KIF21A: variants seen among roughly 807,000 people sequenced by gnomAD.
The protein encoded by KIF21A is kinesin-like protein KIF21A.
A neutral mutation model predicts 202.9 loss-of-function variants in KIF21A; 114 were observed. The ratio of observed to expected loss-of-function variants is 0.56; its 90% confidence interval spans 0.48 to 0.66. KIF21A has a LOEUF of 0.66. KIF21A is among the 30% of genes least tolerant of loss of function. The pLI is 0.00. For synonymous variants in KIF21A, 667 were observed against 670.8 expected (o/e 0.99, Z 0.09); for missense variants, 1,677 against 1,994.9 (o/e 0.84, Z 3.04).
At chr12:39,355,339 A>T (rs1948684908) in intron 10 of KIF21A, among the ~76,000 whole-genome samples, 1 of 152,194 alleles carries the variant, frequency 6.6e-6, no homozygotes, top group African/African-American at 2.4e-5. Context: ...CCTAATAGTG[A>T]CATAAAGCTG....
intron 31 of KIF21A, among the ~76,000 whole-genome samples, chr12:39,313,662 T>C (rs1049687784): frequency 6.6e-6 from 1 of 151,808 alleles, no homozygotes; most frequent in African/African-American, 2.4e-5. Flanking sequence ...TAAATGGATA[T>C]ATTAAAGAAC....
At chr12:39,428,410 AC>A (rs1421838407) in intron 1 of KIF21A, among the ~76,000 whole-genome samples, 1 of 152,220 alleles carries the variant, frequency 6.6e-6, no homozygotes, top group Non-Finnish European at 1.5e-5. Context: ...TTGTTTTTCA[AC>A]CCAAACAAAA....
At chr12:39,306,639 C>T (rs1209992519) in intron 34 of KIF21A, among the ~76,000 whole-genome samples, 3 of 152,140 alleles carry the variant, frequency 2.0e-5, no homozygotes, top group Non-Finnish European at 4.4e-5. Flanking sequence ...GAGAGGCACC[C>T]CATATTACCT....
At chr12:39,388,787 G>A (rs1480480880) in intron 1 of KIF21A, among the ~76,000 whole-genome samples, 1 of 152,106 alleles carries the variant, frequency 6.6e-6, no homozygotes, top group Non-Finnish European at 1.5e-5. Context: ...GGTTAATTTA[G>A]ATTGTGATTC....
intron 37 of KIF21A, among the ~76,000 whole-genome samples, 174 bp downstream of exon 37, chr12:39,301,306 T>G (rs968131801): frequency 2.6e-5 from 4 of 152,198 alleles, no homozygotes; most frequent in Non-Finnish European, 4.4e-5. Flanking sequence ...CTGGGGTGCC[T>G]AAATTCAGTG....
intron 33 of KIF21A, among the ~76,000 whole-genome samples, chr12:39,309,186 T>C (rs1943767211): frequency 6.6e-6 from 1 of 152,174 alleles, no homozygotes; most frequent in Non-Finnish European, 1.5e-5. Flanking sequence ...AAGTTATAAG[T>C]ACTTCTTCAC....
intron 12 of KIF21A, among the ~76,000 whole-genome samples, chr12:39,345,040 T>C (rs909871714): frequency 2.0e-5 from 3 of 152,302 alleles, no homozygotes; most frequent in Admixed American, 6.5e-5. Flanking sequence ...TTATTACTTA[T>C]GCAGAATCTC....
At chr12:39,403,163 T>A (rs1365868037) in intron 1 of KIF21A, among the ~76,000 whole-genome samples, 2 of 152,178 alleles carry the variant, frequency 1.3e-5, no homozygotes, top group Admixed American at 6.5e-5. Context: ...AGTCATTCAT[T>A]TACCCATTTG....
Position 39,309,678 on chromosome 12 carries a change from G to A in KIF21A, c.4185C>T (p.Tyr1395=), listed in dbSNP as rs1473348076. 2 of 1,613,104 alleles carry A rather than the reference G, an allele frequency of 1.2e-6. No homozygotes were observed. Among genetic ancestry groups the A allele is most frequent in the South Asian group, 2.2e-5 (2 of 91,054 alleles). The change falls in exon 33 of 38, where the codon TAC becomes TAT. Residue 1395 remains tyrosine, a synonymous_variant. Coordinates refer to ENST00000361418, the MANE Select transcript of KIF21A (RefSeq NM_001173464.2). ...TGAAGACCAAACTGGTATAATTACA[G>A]TATTTTACAGACACGACATTGTTGG... ...GHPNNVVSVK[Y]CNYTSLVFTV...
At chr12:39,387,820 G>A (rs1951056606) in intron 1 of KIF21A, among the ~76,000 whole-genome samples, 1 of 152,204 alleles carries the variant, frequency 6.6e-6, no homozygotes, top group East Asian at 1.9e-4. Flanking sequence ...TGGTGAGGGA[G>A]TAGAGATGCT....
Position 39,301,467 on chromosome 12 carries a change from T to C in KIF21A, c.4931+13A>G. On this transcript the variant is annotated intron_variant, in intron 37 of 37. Transcript: ENST00000361418. Reference sequence around the variant, plus strand: ...GCAACCAATATAGAGAAAAATCATATAAGAAAACTTACTCAGCTGCAGTAA... The same window carrying C: ...GCAACCAATATAGAGAAAAATCATACAAGAAAACTTACTCAGCTGCAGTAA... The C allele has an allele frequency of 1.2e-6, 2 of 1,606,074 alleles. No individual in the cohort carries two copies. The highest frequency in any genetic ancestry group is 1.1e-5 in the South Asian group (1 of 90,950).
rs111469625 is a variant in KIF21A at position 39,437,888 on chromosome 12, T to A, written c.44+5039A>T. Among the ~76,000 whole-genome samples the A allele has an allele frequency of 2.7e-3, 409 of 152,354 alleles. 3 individuals carry two copies. The highest frequency in any genetic ancestry group is 9.0e-3 in the African/African-American group (375 of 41,598). ...AATAAATGTTTCTCAGAGGTCTTAC[T>A]CATTTGCTTCCATATTTTTTGAACA... On this transcript the variant is annotated intron_variant, in intron 1 of 37. Coordinates refer to ENST00000361418, the MANE Select transcript of KIF21A (RefSeq NM_001173464.2).
At chr12:39,404,001 A>C (rs947441352) in intron 1 of KIF21A, among the ~76,000 whole-genome samples, 3 of 152,244 alleles carry the variant, frequency 2.0e-5, no homozygotes, top group African/African-American at 7.2e-5. Context: ...TTAATCACAT[A>C]GACTGGTAAT....
chr12:39,360,465 C>T (rs1034568481), intron 7 of KIF21A, among the ~76,000 whole-genome samples: 6 of 151,682 alleles, frequency 4.0e-5, no homozygotes, highest in African/African-American at 1.5e-4. Context: ...TCTCAGCTCA[C>T]TGCAACCTCC....
chr12:39,402,042 AC>A (rs1952206629), intron 1 of KIF21A, among the ~76,000 whole-genome samples: 1 of 151,878 alleles, frequency 6.6e-6, no homozygotes, highest in African/African-American at 2.4e-5. Flanking sequence ...TAAAACAAAA[AC>A]AAAATCAAAC....
intron 26 of KIF21A, among the ~76,000 whole-genome samples, chr12:39,323,085 A>G (rs1945464925): frequency 6.6e-6 from 1 of 152,200 alleles, no homozygotes; most frequent in African/African-American, 2.4e-5. Context: ...AATAGCCAAC[A>G]TTTGTATTGT....
At chr12:39,298,063 G>A (rs1942584140) in intron 37 of KIF21A, among the ~76,000 whole-genome samples, 1 of 151,996 alleles carries the variant, frequency 6.6e-6, no homozygotes, top group African/African-American at 2.4e-5. Context: ...GAGAAAACTT[G>A]ACAAAATTTA....
chr12:39,421,619 G>A (rs1380104215), intron 1 of KIF21A, among the ~76,000 whole-genome samples: 1 of 151,472 alleles, frequency 6.6e-6, no homozygotes, highest in African/African-American at 2.4e-5. Flanking sequence ...CTTAAACCCA[G>A]GAGGTGGAGG....
At chr12:39,353,153 C>T (rs1300046420) in intron 10 of KIF21A, among the ~76,000 whole-genome samples, 1 of 152,064 alleles carries the variant, frequency 6.6e-6, no homozygotes, top group African/African-American at 2.4e-5. Context: ...ACAGTCAGCT[C>T]AGTGCTTTTC....
Sources: allele counts gnomAD v4.1 joint callset (sites outside exome capture counted in the v4.1 genomes callset), GRCh38; gene constraint gnomAD v4.1.1; transcripts MANE v1.5; gene names NCBI Gene and HGNC (gene_info 2026-07-23, HGNC 2026-07-21).